The following CDC27 variants were observed in gnomAD, a reference collection of about 807,000 sequenced individuals.
CDC27 encodes the protein cell division cycle protein 27 homolog.
CDC27 carries 27 observed loss-of-function variants against 109.7 expected under a neutral mutation model. The observed-to-expected ratio is 0.25, with a 90% CI of 0.18 to 0.34. The LOEUF (loss-of-function observed/expected upper bound fraction) is 0.34, where lower values mean the gene tolerates loss of function less well. CDC27 is among the 10% of genes least tolerant of loss of function. CDC27 has a pLI of 1.00. For synonymous variants in CDC27, 266 were observed against 333.9 expected, an observed-to-expected ratio of 0.80 and a Z score of 2.22; for missense variants, 579 against 960.2, an observed-to-expected ratio of 0.60 and a Z score of 5.25.
rs903765080 is a variant in CDC27 at position 47,163,801 on chromosome 17, G to A, written c.378-5498C>T. Among the ~76,000 whole-genome samples, 4 of 152,238 alleles carry A rather than the reference G, an allele frequency of 2.6e-5. No individual in the cohort carries two copies. The East Asian group carries it at 7.7e-4, about 29-fold the overall frequency. On this transcript the variant is annotated intron_variant, in intron 4 of 18. Coordinates refer to ENST00000066544, the MANE Select transcript of CDC27 (RefSeq NM_001256.6). Reference sequence around the variant, plus strand: ...TTTTTTGAGATGGAGTTTCACTCTTGCTGCCCAGGCTGGAGTACAATGGCA... The same window carrying A: ...TTTTTTGAGATGGAGTTTCACTCTTACTGCCCAGGCTGGAGTACAATGGCA...
chr17:47,181,526 C>G (rs147156754), intron 2 of CDC27, 36 bp downstream of exon 2: 1 of 1,140,488 alleles, frequency 8.8e-7, no homozygotes, highest in East Asian at 2.4e-5. Flanking sequence ...ATATGTTATT[C>G]ATTTATCATT....
intron 10 of CDC27, among the ~76,000 whole-genome samples, chr17:47,143,675 A>T (rs1007473109): frequency 6.6e-6 from 1 of 152,158 alleles, no homozygotes; most frequent in Non-Finnish European, 1.5e-5. Context: ...TTGAGAAAAA[A>T]AATTTTTTAA....
chr17:47,133,099 A>AC (rs2062434345), intron 14 of CDC27, among the ~76,000 whole-genome samples: 2 of 18,614 alleles, frequency 1.1e-4, no homozygotes, highest in Non-Finnish European at 1.8e-4. Context: ...ACACACACAC[A>AC]AATATACATA....
intron 4 of CDC27, among the ~76,000 whole-genome samples, chr17:47,163,313 C>T (rs1180679379): frequency 1.3e-5 from 2 of 152,146 alleles, no homozygotes; most frequent in African/African-American, 4.8e-5. Flanking sequence ...TTACTAGGTG[C>T]AATTCTGGTA....
chr17:47,165,111 A>G lies in CDC27; in HGVS notation c.377+4806T>C, dbSNP rs554035726. The stretch of plus-strand genomic sequence containing the variant: ...CTGAAATTGGCTTTTTTCACTTGCC[A>G]TAATAACCTTGTAATCTATCTAAGT... On this transcript the variant is annotated intron_variant, in intron 4 of 18. Transcript: ENST00000066544. Among the ~76,000 whole-genome samples, 17 of 152,322 alleles carry G rather than the reference A, an allele frequency of 1.1e-4. No homozygotes were observed. The East Asian group carries it at 3.1e-3, about 28-fold the overall frequency.
chr17:47,121,064 G>T, intron 18 of CDC27, 47 bp from the exon 19 acceptor site: 1 of 1,219,662 alleles, frequency 8.2e-7, no homozygotes, highest in Non-Finnish European at 1.2e-6. Context: ...TGACAAATAT[G>T]TCCTGTTGGT....
intron 9 of CDC27, among the ~76,000 whole-genome samples, 182 bp from the exon 10 acceptor site, chr17:47,144,164 C>A (rs1280804507): frequency 2.6e-5 from 4 of 152,036 alleles, no homozygotes; most frequent in Non-Finnish European, 5.9e-5. Flanking sequence ...AAATGAGGGA[C>A]TCGGACTGGC....
chr17:47,118,514 T>C lies in CDC27; in HGVS notation c.*2421A>G. 6.6e-6 allele frequency: 1 copy of C among 152,564 alleles called. No homozygotes were observed. The highest frequency in any genetic ancestry group is 1.9e-4 in the East Asian group (1 of 5,194). The allele number at this position is 152,564 out of a possible 1,614,324, so 9.5% of individuals were successfully genotyped here. A position where few individuals can be genotyped will look rare whatever the true frequency, so the allele number is the denominator to read the frequency against. On this transcript the variant is annotated 3_prime_UTR_variant, in exon 19 of 19. Coordinates refer to ENST00000066544, the MANE Select transcript of CDC27 (RefSeq NM_001256.6). ...TATATATGTATATAGATGTATTAAG[T>C]TGGTGCAAAAGTAATTGCAGGTTTT... is the stretch of plus-strand genomic sequence containing the variant.
Position 47,138,891 on chromosome 17 carries a change from C to A in CDC27, c.1552G>T (p.Ala518Ser). The A allele has an allele frequency of 1.3e-6, 2 of 1,552,130 alleles. No individual in the cohort carries two copies. Among genetic ancestry groups the A allele is most frequent in the Non-Finnish European group, 1.7e-6 (2 of 1,150,764 alleles). ...AYFELSEYMQ[A>S]ERIFSEVRRI... is the part of the protein sequence containing the mutation. Reference sequence around the variant, plus strand: ...CTAACCTCTGAGAATATTCTTTCAGCCTGAAATAAAAAAAACTAGTAAGAG... The same window carrying A: ...CTAACCTCTGAGAATATTCTTTCAGACTGAAATAAAAAAAACTAGTAAGAG... Residue 518 changes from alanine (A) to serine (S), a missense_variant and splice_region_variant, in exon 13 of 19, where the codon GCT becomes TCT. By Grantham distance (99) the Ala-to-Ser change is moderately conservative (BLOSUM62 1). Around this residue, in one of 9 missense-constraint regions of CDC27, gnomAD observed 227 missense variants for 363.6 expected, o/e 0.62. Transcript: ENST00000066544.
chr17:47,122,062 G>A (rs1358172480), intron 18 of CDC27, among the ~76,000 whole-genome samples: 5 of 151,948 alleles, frequency 3.3e-5, no homozygotes, highest in South Asian at 2.1e-4. Context: ...TTTAATTAAA[G>A]CCTTTCACCA....
chr17:47,158,847 T>A (rs1363387676), intron 4 of CDC27, among the ~76,000 whole-genome samples: 2 of 152,164 alleles, frequency 1.3e-5, no homozygotes, highest in African/African-American at 4.8e-5. Context: ...CTTGAACTCA[T>A]GAGCTCTGGT....
chr17:47,138,928 A>C, intron 12 of CDC27, 37 bp from the exon 13 acceptor site: 1 of 1,347,752 alleles, frequency 7.4e-7, no homozygotes, highest in Non-Finnish European at 1.0e-6. Flanking sequence ...AAACAAGTTG[A>C]TACAATTTAT....
In CDC27 at chr17:47,146,734, T is replaced by C. The variant is rs142785535; in HGVS notation, c.1071-2752A>G. Among the ~76,000 whole-genome samples the C allele has an allele frequency of 2.3e-3, 353 of 152,236 alleles. 2 individuals carry two copies. Among genetic ancestry groups the C allele is most frequent in the Middle Eastern group, 0.014 (4 of 294 alleles). ...TGCATCTCAGAATAAAACTTTAAAATACCTAAAGGAATGCAAAAATATCCA... is the reference window on the plus strand; with the variant it reads ...TGCATCTCAGAATAAAACTTTAAAACACCTAAAGGAATGCAAAAATATCCA... On this transcript the variant is annotated intron_variant, in intron 9 of 18. Coordinates refer to ENST00000066544, the MANE Select transcript of CDC27 (RefSeq NM_001256.6).
In CDC27 at chr17:47,158,313, G is replaced by T. The variant is rs775066848; in HGVS notation, c.378-10C>A. 42 of 1,414,234 alleles carry T rather than the reference G, an allele frequency of 3.0e-5. No individual in the cohort carries two copies. The highest frequency in any genetic ancestry group is 3.8e-5 in the Non-Finnish European group (40 of 1,050,562). 87.6% of individuals were successfully genotyped at this position (1,414,234 alleles called of 1,614,324 possible). ...AAGCCGATCTGTCTTGCTGTGGAGAGAAACAAGTAGATTAAATAAGCTACA... is the reference window on the plus strand; with the variant it reads ...AAGCCGATCTGTCTTGCTGTGGAGATAAACAAGTAGATTAAATAAGCTACA... On this transcript the variant is annotated splice_polypyrimidine_tract_variant and intron_variant, in intron 4 of 18. Coordinates refer to ENST00000066544, the MANE Select transcript of CDC27 (RefSeq NM_001256.6).
intron 9 of CDC27, among the ~76,000 whole-genome samples, chr17:47,147,170 A>G (rs1027169519): frequency 4.0e-5 from 6 of 149,684 alleles, no homozygotes; most frequent in African/African-American, 1.5e-4. Flanking sequence ...GGAGGCCGAG[A>G]CGGGCGGATC....
At position 47,143,891 on chromosome 17, in the gene CDC27, T is replaced by C; in HGVS notation, c.1162A>G (p.Thr388Ala). 1 of 1,448,072 alleles carries C rather than the reference T, an allele frequency of 6.9e-7. No homozygotes were observed. The highest frequency in any genetic ancestry group is 9.2e-7 in the Non-Finnish European group (1 of 1,087,750). The allele number at this position is 1,448,072 out of a possible 1,614,324, so 89.7% of individuals were successfully genotyped here. Residue 388 changes from threonine to alanine, a missense_variant, in exon 10 of 19, where the codon ACA becomes GCA. Thr to Ala is a moderately conservative substitution (Grantham distance 58). This residue lies in a region of CDC27 where 51 missense variants were observed against 43.8 expected (regional missense o/e 1.16). Coordinates refer to ENST00000066544, the MANE Select transcript of CDC27 (RefSeq NM_001256.6). ...SSRLFTSDSSTTKENSKKLKM... is the reference protein window; with the variant it reads ...SSRLFTSDSSATKENSKKLKM... ...AGAAATCTTTAAATTACCTTGGTTG[T>C]GGAGCTGTCACTAGTAAAGAGTCGT...
At chr17:47,133,026 T>TACACACACACACAC (rs1401784751) in intron 14 of CDC27, among the ~76,000 whole-genome samples, 1 of 32,352 alleles carries the variant, frequency 3.1e-5, no homozygotes, top group African/African-American at 1.1e-4. Context: ...TATATATATA[T>TACACACACACACAC]ATACACACAC....
At chr17:47,189,025 G>A in intron 1 of CDC27, 121 bp downstream of exon 1, 1 of 1,507,232 alleles carries the variant, frequency 6.6e-7, no homozygotes. Context: ...GCAGGACACG[G>A]CAGCAGGGGA....
rs770060146 is a variant in CDC27 at position 47,132,337 on chromosome 17, A to G, written c.1951T>C (p.Phe651Leu). Residue 651 changes from phenylalanine to leucine, a missense_variant, in exon 15 of 19, where the codon TTC (phenylalanine) becomes CTC (leucine). Physicochemically the swap from Phe to Leu is conservative, Grantham distance 22. This residue lies in a region of CDC27 where 227 missense variants were observed against 363.6 expected (regional missense o/e 0.62). Transcript: ENST00000066544. The stretch of plus-strand genomic sequence containing the variant: ...TGGAAATGCATTTCTGCAAGGCTGA[A>G]TTTTTCTTGCTTGTAATAAATCATT... The part of the protein sequence containing the change: ...LGMIYYKQEK[F>L]SLAEMHFQKA... 6.2e-7 allele frequency: 1 copy of G among 1,603,902 alleles called. No individual in the cohort carries two copies. Among genetic ancestry groups the G allele is most frequent in the East Asian group, 2.2e-5 (1 of 44,650 alleles).
Sources: gnomAD v4.1 joint callset for allele counts (sites outside exome capture counted in the v4.1 genomes callset) on GRCh38, gnomAD v4.1.1 for gene constraint, gnomAD v4.1.1 regional missense constraint, MANE v1.5 for transcripts, NCBI Gene and HGNC (gene_info 2026-07-23, HGNC 2026-07-21) for gene names.